ATP2C1: variants seen among roughly 807,000 people sequenced by gnomAD.
ATP2C1 encodes the protein ATPase secretory pathway Ca2+ transporting 1, also known as calcium-transporting ATPase type 2C member 1.
A neutral mutation model predicts 120.5 loss-of-function variants in ATP2C1; 31 were observed. The ratio of observed to expected loss-of-function variants is 0.26; its 90% confidence interval spans 0.19 to 0.35. The LOEUF is 0.35. Ranked by LOEUF, ATP2C1 falls within the 10% of genes least tolerant of loss-of-function variation. The pLI, the probability that ATP2C1 is intolerant of heterozygous loss-of-function variation, is 1.00. For missense variants in ATP2C1, 731 were observed against 1,107.5 expected (o/e 0.66, Z 4.83); for synonymous variants, 351 against 358.7 (o/e 0.98, Z 0.24).
At chr3:130,937,294 T>C (rs1166856449) in intron 5 of ATP2C1, 134 bp from the exon 6 acceptor site, 8 of 772,374 alleles carry the variant, frequency 1.0e-5, no homozygotes, top group Non-Finnish European at 1.8e-5. Context: ...GGTAAAGTTG[T>C]GATTTCTTTT....
At chr3:130,872,020 C>CT (rs1387130568) in intron 1 of ATP2C1, among the ~76,000 whole-genome samples, 2 of 55,614 alleles carry the variant, frequency 3.6e-5, no homozygotes, top group African/African-American at 1.1e-4. Context: ...GAAACTCTGT[C>CT]TCAAAAAAAA....
rs202137564 is a variant in ATP2C1, at chr3:130,894,802, A to T, written c.6+27A>T. The T allele has an allele frequency of 6.2e-7, 1 of 1,604,242 alleles. No individual in the cohort carries two copies. Among genetic ancestry groups the T allele is most frequent in the Admixed American group, 1.7e-5 (1 of 60,020 alleles). On this transcript the variant is annotated intron_variant, in intron 2 of 27. Transcript: ENST00000510168. This position sits in a 1 kb window ranked among gnomAD's most constrained non-coding sequence, Gnocchi z 4.5. ...TAAAGGCCCCTGGCCGACCGGTTGC[A>T]ACGCGGAGTTGAGGGTGTGGTGGTT...
chr3:130,859,186 G>A (rs2107710978), intron 1 of ATP2C1, among the ~76,000 whole-genome samples: 1 of 152,274 alleles, frequency 6.6e-6, no homozygotes, highest in East Asian at 1.9e-4. Flanking sequence ...TGTGTAGTTA[G>A]GATTCCCGTT....
chr3:130,972,043 C>T (rs931890785), intron 17 of ATP2C1, among the ~76,000 whole-genome samples: 2 of 152,184 alleles, frequency 1.3e-5, no homozygotes, highest in African/African-American at 4.8e-5. Flanking sequence ...TTTCCTGGAA[C>T]TCTTCCACAG....
chr3:130,993,797 TG>T (rs1390937600), intron 21 of ATP2C1, 134 bp from the exon 22 acceptor site: 2 of 902,632 alleles, frequency 2.2e-6, no homozygotes, highest in Non-Finnish European at 3.5e-6. Context: ...TGAAGTTCAT[TG>T]AACAATGGGT....
At chr3:130,858,518 T>C (rs955890415) in intron 1 of ATP2C1, among the ~76,000 whole-genome samples, 2 of 152,240 alleles carry the variant, frequency 1.3e-5, no homozygotes, top group Non-Finnish European at 2.9e-5. Flanking sequence ...AGGCACTTGG[T>C]AACTGTCCTT....
At chr3:130,968,250 GT>G (rs1369915852) in intron 16 of ATP2C1, among the ~76,000 whole-genome samples, 1 of 152,144 alleles carries the variant, frequency 6.6e-6, no homozygotes, top group East Asian at 1.9e-4. Flanking sequence ...ACATGAATCC[GT>G]TATCAAGTAT....
downstream of ATP2C1, among the ~76,000 whole-genome samples, chr3:131,004,755 C>T (rs1200041380): frequency 6.6e-6 from 1 of 152,138 alleles, no homozygotes; most frequent in Non-Finnish European, 1.5e-5. Flanking sequence ...GACAGTGCAG[C>T]CAAACAGCAA....
At chr3:130,884,739 T>C (rs1273688572) in intron 1 of ATP2C1, among the ~76,000 whole-genome samples, 1 of 152,208 alleles carries the variant, frequency 6.6e-6, no homozygotes, top group Non-Finnish European at 1.5e-5. Flanking sequence ...TTGACCTCTT[T>C]ATCATTATAT....
At chr3:130,887,492 T>G (rs1054778707) in intron 1 of ATP2C1, among the ~76,000 whole-genome samples, 1 of 152,208 alleles carries the variant, frequency 6.6e-6, no homozygotes, top group East Asian at 1.9e-4. Context: ...AATCCTTGTA[T>G]GTCTACCTGA....
intron 2 of ATP2C1, chr3:130,914,508 T>A (rs537780748): frequency 2.6e-5 from 4 of 152,330 alleles, no homozygotes; most frequent in Non-Finnish European, 5.9e-5. Context: ...CATGTTGAAT[T>A]ACTTTTGGCT....
chr3:130,953,379 A>G (rs909545985), intron 8 of ATP2C1, among the ~76,000 whole-genome samples: 4 of 152,146 alleles, frequency 2.6e-5, no homozygotes, highest in African/African-American at 4.8e-5. Context: ...TGATGAAATG[A>G]TTTCTAAGTA....
At chr3:131,011,908 T>C (rs901289306) in intron 26 of ATP2C1, among the ~76,000 whole-genome samples, 1 of 152,236 alleles carries the variant, frequency 6.6e-6, no homozygotes, top group African/African-American at 2.4e-5. Context: ...GTGAAGTGCC[T>C]GTGACCTCTC....
intron 2 of ATP2C1, among the ~76,000 whole-genome samples, chr3:130,898,948 G>A (rs1576629134): frequency 2.0e-5 from 3 of 152,238 alleles, no homozygotes; most frequent in East Asian, 1.9e-4. Flanking sequence ...CAGTTCAAGA[G>A]GTCCCCTCAC....
chr3:130,942,290 A>G (rs1203801410), intron 8 of ATP2C1, among the ~76,000 whole-genome samples: 2 of 152,218 alleles, frequency 1.3e-5, no homozygotes, highest in African/African-American at 4.8e-5. Flanking sequence ...GAGGCCTTGG[A>G]TACTAGGCTT....
intron 19 of ATP2C1, among the ~76,000 whole-genome samples, chr3:130,979,678 A>G (rs955592856): frequency 3.0e-4 from 10 of 33,078 alleles, no homozygotes; most frequent in Admixed American, 1.7e-3. Flanking sequence ...TTTTAATCTC[A>G]TGATCAACTG....
chr3:130,988,881 G>A (rs1337910054), intron 20 of ATP2C1, among the ~76,000 whole-genome samples: 1 of 152,166 alleles, frequency 6.6e-6, no homozygotes. Context: ...ATTGGTCACA[G>A]GCTAATCCTT....
intron 2 of ATP2C1, among the ~76,000 whole-genome samples, chr3:130,908,129 A>G (rs909547652): frequency 6.6e-6 from 1 of 152,108 alleles, no homozygotes; most frequent in Non-Finnish European, 1.5e-5. Context: ...CTGAGTTTGA[A>G]GTTTTTGACA....
At chr3:130,906,929 G>A (rs890720097) in intron 2 of ATP2C1, among the ~76,000 whole-genome samples, 1 of 151,998 alleles carries the variant, frequency 6.6e-6, no homozygotes, top group Non-Finnish European at 1.5e-5. Flanking sequence ...TAGATTTTGC[G>A]ATAAGTTAGT....
Sources: allele counts gnomAD v4.1 joint callset (sites outside exome capture counted in the v4.1 genomes callset), GRCh38; gene constraint gnomAD v4.1.1; non-coding constraint Gnocchi (gnomAD v3.1); transcripts MANE v1.5; gene names NCBI Gene and HGNC (gene_info 2026-07-23, HGNC 2026-07-21).